Variants in PLCL1 observed in about 807,000 individuals in gnomAD.
PLCL1 encodes the protein inactive phospholipase C-like protein 1.
Under a neutral mutation model 84.4 loss-of-function variants are expected in PLCL1, and 41 were observed. The observed-to-expected ratio is 0.49, with a 90% CI of 0.38 to 0.63. The LOEUF is 0.63. Among genes scored for constraint, PLCL1 ranks in the 30% least tolerant of loss-of-function variants. The probability of loss-of-function intolerance (pLI) is 0.00; values close to 1 mark genes in which losing one functional copy is unlikely to be tolerated. For missense variants in PLCL1, 1,206 were observed against 1,367.8 expected (o/e 0.88, Z 1.87); for synonymous variants, 490 against 488.3 (o/e 1.00, Z -0.05).
At chr2:197,959,074 G>A (rs1379286151) in intron 1 of PLCL1, among the ~76,000 whole-genome samples, 1 of 151,992 alleles carries the variant, frequency 6.6e-6, no homozygotes, top group African/African-American at 2.4e-5. Flanking sequence ...AAATTTTTGT[G>A]TGTGTGCCCC....
chr2:197,880,101 T>C (rs1159102408), intron 1 of PLCL1, among the ~76,000 whole-genome samples: 1 of 152,198 alleles, frequency 6.6e-6, no homozygotes, highest in Non-Finnish European at 1.5e-5. Context: ...TAGAGAATTA[T>C]TGCCCAACCT....
chr2:198,070,029 A>G (rs1420871254), intron 1 of PLCL1, among the ~76,000 whole-genome samples: 1 of 152,182 alleles, frequency 6.6e-6, no homozygotes, highest in African/African-American at 2.4e-5. Flanking sequence ...GCAAATTTGT[A>G]GTTACATATC....
intron 1 of PLCL1, among the ~76,000 whole-genome samples, chr2:198,075,277 T>C (rs1020413355): frequency 1.3e-5 from 2 of 152,216 alleles, no homozygotes; most frequent in African/African-American, 4.8e-5. Context: ...CTATTAATTT[T>C]AAATGTATTG....
intron 1 of PLCL1, among the ~76,000 whole-genome samples, chr2:197,868,614 C>A (rs960593116): frequency 6.6e-6 from 1 of 152,154 alleles, no homozygotes; most frequent in South Asian, 2.1e-4. Flanking sequence ...ATCCTCCCAC[C>A]TCAGCCTCCC....
At chr2:198,133,846 A>T (rs866853744) in intron 5 of PLCL1, among the ~76,000 whole-genome samples, 1 of 152,294 alleles carries the variant, frequency 6.6e-6, no homozygotes, top group African/African-American at 2.4e-5. Flanking sequence ...CTGGATTTTT[A>T]AAAAAGTAAT....
chr2:197,929,985 A>G (rs1291235674), intron 1 of PLCL1, among the ~76,000 whole-genome samples: 3 of 152,228 alleles, frequency 2.0e-5, no homozygotes, highest in Non-Finnish European at 4.4e-5. Context: ...CTCACTGAGT[A>G]TCAAATAGTG....
At chr2:197,930,036 A>C (rs985906992) in intron 1 of PLCL1, among the ~76,000 whole-genome samples, 1 of 152,192 alleles carries the variant, frequency 6.6e-6, no homozygotes, top group African/African-American at 2.4e-5. Flanking sequence ...TGCATGGAAG[A>C]GTGTGCATTA....
Position 197,805,187 on chromosome 2 carries a change from G to C in PLCL1, c.88G>C (p.Ala30Pro). Reference protein sequence around the residue: ...EDDPRVGPDAAGDCVTAASGG... With the variant: ...EDDPRVGPDAPGDCVTAASGG... ...CGACCCCCGAGTGGGCCCGGATGCCGCCGGGGACTGCGTGACGGCGGCCTC... is the reference window on the plus strand; with the variant it reads ...CGACCCCCGAGTGGGCCCGGATGCCCCCGGGGACTGCGTGACGGCGGCCTC... Residue 30 changes from alanine to proline, a missense_variant, in exon 1 of 6, where the codon GCC (alanine) becomes CCC (proline). Physicochemically the swap from Ala to Pro is conservative, Grantham distance 27. Coordinates refer to ENST00000428675, the MANE Select transcript of PLCL1 (RefSeq NM_006226.4). This position sits in a 1 kb window ranked among gnomAD's most constrained non-coding sequence, Gnocchi z 4.0. 2.3e-6 allele frequency: 3 copies of C among 1,281,192 alleles called. No individual in the cohort carries two copies. Among genetic ancestry groups the C allele is most frequent in the Non-Finnish European group, 3.0e-6 (3 of 1,016,262 alleles). The allele number at this position is 1,281,192 out of a possible 1,614,324, so 79.4% of individuals were successfully genotyped here.
chr2:198,084,600 A>G lies in PLCL1; in HGVS notation c.1083A>G (p.Glu361=), dbSNP rs757120877. ...DICLDIIRRY[E]LSEEGRQKGF... Reference sequence around the variant, plus strand: ...GCTTAGACATCATAAGGAGATACGAACTTTCTGAAGAGGGACGTCAAAAAG... The same window carrying G: ...GCTTAGACATCATAAGGAGATACGAGCTTTCTGAAGAGGGACGTCAAAAAG... The change falls in exon 2 of 6, where the codon GAA becomes GAG. Residue 361 remains glutamate, a synonymous_variant. Coordinates refer to ENST00000428675, the MANE Select transcript of PLCL1 (RefSeq NM_006226.4). The G allele has an allele frequency of 1.9e-6, 3 of 1,613,982 alleles. No individual in the cohort carries two copies. The highest frequency in any genetic ancestry group is 8.5e-7 in the Non-Finnish European group (1 of 1,179,838).
chr2:198,060,265 C>T (rs919474861), intron 1 of PLCL1, among the ~76,000 whole-genome samples: 8 of 152,178 alleles, frequency 5.3e-5, no homozygotes, highest in Non-Finnish European at 7.3e-5. Context: ...TAAGTGACTA[C>T]GGTAATGGGC....
intron 1 of PLCL1, among the ~76,000 whole-genome samples, chr2:197,885,540 A>C (rs1256870333): frequency 6.6e-6 from 1 of 152,164 alleles, no homozygotes; most frequent in Non-Finnish European, 1.5e-5. Context: ...TGCTAATCTC[A>C]TCCGGAAACC....
intron 1 of PLCL1, among the ~76,000 whole-genome samples, chr2:197,840,764 C>T (rs969512156): frequency 6.6e-5 from 10 of 152,112 alleles, no homozygotes; most frequent in Non-Finnish European, 1.0e-4. Context: ...ACGTGGAAGC[C>T]GAATGGACCA....
chr2:197,985,370 G>A (rs1690200435), intron 1 of PLCL1, among the ~76,000 whole-genome samples: 1 of 152,088 alleles, frequency 6.6e-6, no homozygotes, highest in Non-Finnish European at 1.5e-5. Flanking sequence ...TAAAAGGATG[G>A]CAGTAGGCTG....
chr2:198,135,367 T>C (rs1694231354), intron 5 of PLCL1, among the ~76,000 whole-genome samples: 1 of 152,208 alleles, frequency 6.6e-6, no homozygotes, highest in Admixed American at 6.5e-5. Flanking sequence ...AGATTGACAT[T>C]AATATTCTGT....
At chr2:198,090,106 G>A (rs1055808237) in intron 3 of PLCL1, among the ~76,000 whole-genome samples, 3 of 152,020 alleles carry the variant, frequency 2.0e-5, no homozygotes, top group Non-Finnish European at 2.9e-5. Context: ...GTAGAGAGAA[G>A]CATAAACATT....
At chr2:198,107,735 T>G (rs1574317588) in intron 5 of PLCL1, among the ~76,000 whole-genome samples, 1 of 151,946 alleles carries the variant, frequency 6.6e-6, no homozygotes, top group East Asian at 1.9e-4. Flanking sequence ...ATTGAGCAAA[T>G]GCTGTTCAAA....
intron 1 of PLCL1, among the ~76,000 whole-genome samples, chr2:197,887,228 T>A (rs12995647): frequency 0.024 from 3,579 of 152,190 alleles, 82 homozygotes; most frequent in Non-Finnish European, 0.03. Context: ...TTCTGCTTTT[T>A]AAAAAAAGCA....
chr2:198,141,861 G>T (rs576011898), intron 5 of PLCL1, among the ~76,000 whole-genome samples: 1 of 152,310 alleles, frequency 6.6e-6, no homozygotes, highest in South Asian at 2.1e-4. Context: ...CTTGGAGACA[G>T]AGCTGCATTT....
intron 5 of PLCL1, among the ~76,000 whole-genome samples, chr2:198,132,542 T>C (rs1229811644): frequency 6.6e-6 from 1 of 152,130 alleles, no homozygotes; most frequent in Non-Finnish European, 1.5e-5. Flanking sequence ...CCTCTCCCAC[T>C]AGATACTGAT....
Sources: gnomAD v4.1 joint callset for allele counts (sites outside exome capture counted in the v4.1 genomes callset) on GRCh38, gnomAD v4.1.1 for gene constraint, Gnocchi (gnomAD v3.1) non-coding constraint, MANE v1.5 for transcripts, NCBI Gene and HGNC (gene_info 2026-07-23, HGNC 2026-07-21) for gene names.